KNDC1: variants seen among roughly 807,000 people sequenced by gnomAD.
KNDC1 encodes kinase non-catalytic C-lobe domain containing 1.
Under a neutral mutation model 172.8 loss-of-function variants are expected in KNDC1, and 106 were observed. The ratio of observed to expected loss-of-function variants is 0.61; its 90% CI spans 0.52 to 0.72. The LOEUF is 0.72. KNDC1 is among the 30% of genes least tolerant of loss of function. KNDC1 has a pLI of 0.00. For synonymous variants in KNDC1, 1,083 were observed against 1,062.2 expected (o/e 1.02, Z -0.38); for missense variants, 2,325 against 2,394.5 (o/e 0.97, Z 0.61).
chr10:133,225,112 G>C lies in KNDC1; in HGVS notation c.*222G>C, dbSNP rs1845694965. 1.2e-5 allele frequency: 7 copies of C among 565,250 alleles called. No individual in the cohort carries two copies. The highest frequency in any genetic ancestry group is 2.1e-5 in the South Asian group (1 of 46,786). 35.0% of individuals were successfully genotyped at this position (565,250 alleles called of 1,614,324 possible). A position where few individuals can be genotyped will look rare whatever the true frequency, so the allele number is the denominator to read the frequency against. ...CCAGGACGGGCACAAGAGTCTTGGA[G>C]GTTTGCGTGTTTCTGCTAGAATTAA... is the stretch of plus-strand genomic sequence containing the variant. On this transcript the variant is annotated 3_prime_UTR_variant, in exon 30 of 30. Coordinates refer to ENST00000304613, the MANE Select transcript of KNDC1 (RefSeq NM_152643.8).
intron 5 of KNDC1, among the ~76,000 whole-genome samples, chr10:133,184,300 G>GCA (rs139359681): frequency 0.4 from 56,491 of 142,026 alleles, 12,219 homozygotes; most frequent in South Asian, 0.65. Flanking sequence ...ACACACCCAT[G>GCA]CACACACTGC....
In KNDC1 at chr10:133,199,495, C is replaced by T; in HGVS notation, c.2796C>T (p.Ala932=). Residue 932 remains alanine (A), a synonymous_variant, in exon 15 of 30, where the codon GCC becomes GCT. Transcript: ENST00000304613. ...YIFALKDLTF[A]TFCGAISEKF... is the part of the protein sequence containing the mutation. ...TCGCCTTGAAAGATCTCACCTTTGC[C>T]ACTTTCTGTGGCGCCATTTCCGAGA... 1.2e-6 allele frequency: 2 copies of T among 1,613,932 alleles called. No individual in the cohort carries two copies. Among genetic ancestry groups the T allele is most frequent in the Non-Finnish European group, 1.7e-6 (2 of 1,179,998 alleles).
rs1003982807 is a variant in KNDC1 at position 133,211,952 on chromosome 10, TACAC to T, written c.4236+98_4236+101del. On this transcript the variant is annotated intron_variant, in intron 23 of 29. Transcript: ENST00000304613. ...GACACAACTGGTGCATGCACACACA[TACAC>T]ACAAGTGCAAATGGGCACAGCTGTA... 8.8e-6 allele frequency: 11 copies of T among 1,250,274 alleles called. No homozygotes were observed. The African/African-American group carries it at 1.2e-4, about 14-fold the overall frequency. The allele number at this position is 1,250,274 out of a possible 1,614,324, so 77.4% of individuals were successfully genotyped here. A position where few individuals can be genotyped will look rare whatever the true frequency, so the allele number is the denominator to read the frequency against.
Position 133,219,055 on chromosome 10 carries a change from A to T in KNDC1, c.4825A>T (p.Ile1609Leu). The T allele has an allele frequency of 6.2e-7, 1 of 1,614,052 alleles. No homozygotes were observed. Among genetic ancestry groups the T allele is most frequent in the African/African-American group, 1.3e-5 (1 of 75,068 alleles). The change falls in exon 28 of 30, where the codon ATA becomes TTA. Residue 1609 changes from isoleucine (I) to leucine (L), a missense_variant. Coordinates refer to ENST00000304613, the MANE Select transcript of KNDC1 (RefSeq NM_152643.8). ...SPAWRILPAK[I>L]AEVMEELKAV... ...GGCCTGGAGAATTCTGCCTGCAAAG[A>T]TAGCAGAGGTCATGGAGGAGCTGAA...
chr10:133,201,441 C>A, intron 16 of KNDC1, 60 bp from the exon 17 acceptor site: 1 of 1,512,602 alleles, frequency 6.6e-7, no homozygotes. Flanking sequence ...CATTAACAGC[C>A]TGCCCGGGCT....
intron 22 of KNDC1, 49 bp from the exon 23 acceptor site, chr10:133,211,627 GCCC>G (rs1335791553): frequency 4.4e-6 from 7 of 1,595,562 alleles, no homozygotes; most frequent in Non-Finnish European, 6.0e-6. Flanking sequence ...GGGAGGTGCC[GCCC>G]TCCTCCAGAA....
At chr10:133,210,562 TG>T in intron 20 of KNDC1, 48 bp from the exon 21 acceptor site, 1 of 1,139,634 alleles carries the variant, frequency 8.8e-7, no homozygotes, top group Non-Finnish European at 1.3e-6. Context: ...AGCCGAGCCC[TG>T]GGGTGCGGCC....
chr10:133,189,676 G>A lies in KNDC1; in HGVS notation c.1513+7G>A, dbSNP rs375405209. 3.7e-6 allele frequency: 6 copies of A among 1,613,906 alleles called. No homozygotes were observed. Among genetic ancestry groups the A allele is most frequent in the Non-Finnish European group, 5.1e-6 (6 of 1,180,000 alleles). ...CAGCCACCCCCTGCCAACGGTGAGT[G>A]TGTGGGTTCCCCTCAGGCCGAGTCC... On this transcript the variant is annotated splice_region_variant and intron_variant, in intron 8 of 29. Transcript: ENST00000304613.
chr10:133,224,721 C>T lies in KNDC1; in HGVS notation c.5081C>T (p.Pro1694Leu). The change falls in exon 30 of 30, where the codon CCC becomes CTC. Residue 1694 changes from proline (P) to leucine (L), a missense_variant. By Grantham distance (98) the Pro-to-Leu change is moderately conservative. Transcript: ENST00000304613. This position sits in a 1 kb window ranked among gnomAD's most constrained non-coding sequence, Gnocchi z 5.4. ...AFQENPYTFS[P>L]DPKLQSYLKQ... ...CAGGAGAACCCTTACACCTTCAGCC[C>T]CGACCCCAAGCTCCAGTCGTACCTC... 2 of 1,614,100 alleles carry T rather than the reference C, an allele frequency of 1.2e-6. No individual in the cohort carries two copies. Among genetic ancestry groups the T allele is most frequent in the Non-Finnish European group, 1.7e-6 (2 of 1,180,022 alleles).
At chr10:133,161,669 G>A (rs1852974683) in intron 1 of KNDC1, among the ~76,000 whole-genome samples, 1 of 152,150 alleles carries the variant, frequency 6.6e-6, no homozygotes, top group South Asian at 2.1e-4. Context: ...ATTCGGTGCA[G>A]TTGAAGGCTG....
intron 29 of KNDC1, among the ~76,000 whole-genome samples, chr10:133,222,451 G>GTC (rs1845619311): frequency 1.3e-5 from 1 of 79,072 alleles, no homozygotes; most frequent in African/African-American, 3.9e-5. Context: ...CCCGGCGTGT[G>GTC]TGTGTGTGTG....
At chr10:133,199,771 C>A (rs1854309255) in intron 15 of KNDC1, among the ~76,000 whole-genome samples, 169 bp downstream of exon 15, 2 of 152,196 alleles carry the variant, frequency 1.3e-5, no homozygotes, top group African/African-American at 2.4e-5. Context: ...TCCCAGCAGC[C>A]CCTCCTTGGG....
intron 14 of KNDC1, 92 bp from the exon 15 acceptor site, chr10:133,199,366 G>A (rs1001389158): frequency 1.9e-5 from 29 of 1,565,440 alleles, no homozygotes; most frequent in Middle Eastern, 3.4e-4. Context: ...CCCCCCAGCC[G>A]AGATCAGCCT....
At position 133,167,482 on chromosome 10, in the gene KNDC1, C is replaced by T. The variant is rs1304185437; in HGVS notation, c.204C>T (p.Ser68=). ...TGGAGTGCAGCCTGTCCATGCGGAGCGTGGCCCACGCCGCCATCTTCCAGA... is the reference window on the plus strand; with the variant it reads ...TGGAGTGCAGCCTGTCCATGCGGAGTGTGGCCCACGCCGCCATCTTCCAGA... ...VCLECSLSMR[S]VAHAAIFQSL... is the part of the protein sequence containing the mutation. The change falls in exon 2 of 30, where the codon AGC becomes AGT. Residue 68 remains serine (S), a synonymous_variant. Coordinates refer to ENST00000304613, the MANE Select transcript of KNDC1 (RefSeq NM_152643.8). 5.6e-6 allele frequency: 9 copies of T among 1,606,060 alleles called. No homozygotes were observed. The South Asian group carries it at 7.8e-5, about 14-fold the overall frequency.
At chr10:133,221,202 A>G (rs1845582143) in intron 29 of KNDC1, among the ~76,000 whole-genome samples, 1 of 151,740 alleles carries the variant, frequency 6.6e-6, no homozygotes, top group African/African-American at 2.4e-5. Context: ...CTCCCCTTGA[A>G]ACCCCTCTCC....
At chr10:133,195,417 T>C (rs1459365072) in intron 9 of KNDC1, among the ~76,000 whole-genome samples, 1 of 152,128 alleles carries the variant, frequency 6.6e-6, no homozygotes, top group Non-Finnish European at 1.5e-5. Flanking sequence ...CTTCCAACCC[T>C]CTGGTGTTTA....
Position 133,167,453 on chromosome 10 carries a change from T to C in KNDC1, c.175T>C (p.Cys59Arg). 6.2e-7 allele frequency: 1 copy of C among 1,606,146 alleles called. No individual in the cohort carries two copies. Among genetic ancestry groups the C allele is most frequent in the Non-Finnish European group, 8.5e-7 (1 of 1,177,494 alleles). The change falls in exon 2 of 30, where the codon TGC becomes CGC. Residue 59 changes from cysteine (C) to arginine (R), a missense_variant. Transcript: ENST00000304613. ...GLSEQEAWAV[C>R]LECSLSMRSV... is the part of the protein sequence containing the mutation. Reference sequence around the variant, plus strand: ...CAGCGAGCAGGAAGCCTGGGCCGTGTGCCTGGAGTGCAGCCTGTCCATGCG... The same window carrying C: ...CAGCGAGCAGGAAGCCTGGGCCGTGCGCCTGGAGTGCAGCCTGTCCATGCG...
At chr10:133,174,050 T>C (rs887691806) in intron 3 of KNDC1, 1 of 152,342 alleles carries the variant, frequency 6.6e-6, no homozygotes, top group Non-Finnish European at 1.5e-5. Flanking sequence ...TTGGCATTCA[T>C]CCACGACATG....
chr10:133,200,716 G>A (rs1465408010), intron 16 of KNDC1, among the ~76,000 whole-genome samples: 1 of 152,200 alleles, frequency 6.6e-6, no homozygotes, highest in East Asian at 1.9e-4. Flanking sequence ...TCCTCTTCTG[G>A]GGGCGAGCAG....
Sources: gnomAD v4.1 joint callset for allele counts (sites outside exome capture counted in the v4.1 genomes callset) on GRCh38, gnomAD v4.1.1 for gene constraint, Gnocchi (gnomAD v3.1) non-coding constraint, MANE v1.5 for transcripts, NCBI Gene and HGNC (gene_info 2026-07-23, HGNC 2026-07-21) for gene names.